GPR158: variants seen among roughly 807,000 people sequenced by gnomAD.
The protein encoded by GPR158 is metabotropic glycine receptor.
GPR158 carries 30 observed loss-of-function variants against 78.2 expected under a neutral mutation model. That is an observed-to-expected ratio of 0.38 (90% CI 0.29 to 0.52). GPR158 has a LOEUF of 0.52. GPR158 is among the 20% of genes least tolerant of loss of function. The probability of loss-of-function intolerance (pLI) is 0.83; values close to 1 mark genes in which losing one functional copy is unlikely to be tolerated. For synonymous variants in GPR158, 581 were observed against 591.1 expected, an observed-to-expected ratio of 0.98 and a Z score of 0.25; for missense variants, 1,463 against 1,523.5, an observed-to-expected ratio of 0.96 and a Z score of 0.66.
chr10:25,235,518 C>T (rs552285760), intron 2 of GPR158, among the ~76,000 whole-genome samples: 20 of 150,988 alleles, frequency 1.3e-4, no homozygotes, highest in African/African-American at 4.4e-4. Context: ...CAGTTTTCTT[C>T]CTCTTCAGTT....
intron 2 of GPR158, among the ~76,000 whole-genome samples, chr10:25,333,429 G>A (rs1017745096): frequency 6.6e-6 from 1 of 152,078 alleles, no homozygotes; most frequent in South Asian, 2.1e-4. Flanking sequence ...TTACTGTAGT[G>A]CAAGGTTGTA....
intron 7 of GPR158, among the ~76,000 whole-genome samples, chr10:25,573,112 T>TAATC (rs1471993280): frequency 1.3e-5 from 2 of 152,216 alleles, no homozygotes; most frequent in Admixed American, 1.3e-4. Flanking sequence ...TGATAAAATG[T>TAATC]AATCAAATAA....
intron 2 of GPR158, among the ~76,000 whole-genome samples, chr10:25,322,457 G>T (rs1854965880): frequency 6.6e-6 from 1 of 152,044 alleles, no homozygotes; most frequent in Non-Finnish European, 1.5e-5. Flanking sequence ...TATATCCAAA[G>T]ATTCCTCTTT....
intron 2 of GPR158, among the ~76,000 whole-genome samples, chr10:25,278,732 AAATT>A (rs1279117357): frequency 2.6e-5 from 4 of 151,498 alleles, no homozygotes; most frequent in Non-Finnish European, 2.9e-5. Context: ...AAAATAATTA[AAATT>A]AATTAAATAA....
At chr10:25,233,166 A>T (rs1374917633) in intron 2 of GPR158, among the ~76,000 whole-genome samples, 1 of 152,204 alleles carries the variant, frequency 6.6e-6, no homozygotes, top group African/African-American at 2.4e-5. Context: ...CTGTCTCCAG[A>T]AAGGAATATC....
intron 1 of GPR158, among the ~76,000 whole-genome samples, chr10:25,192,832 A>G (rs1852792376): frequency 6.6e-6 from 1 of 152,176 alleles, no homozygotes; most frequent in Admixed American, 6.5e-5. Context: ...AGTGATACAC[A>G]TTCAGTAAAA....
intron 2 of GPR158, among the ~76,000 whole-genome samples, chr10:25,306,440 T>C (rs79880959): frequency 0.013 from 1,916 of 152,284 alleles, 47 homozygotes; most frequent in African/African-American, 0.043. Flanking sequence ...ATGAGACCTC[T>C]CATCATGGTA....
At chr10:25,374,523 A>C (rs1050801957) in intron 2 of GPR158, among the ~76,000 whole-genome samples, 1 of 151,766 alleles carries the variant, frequency 6.6e-6, no homozygotes, top group Non-Finnish European at 1.5e-5. Context: ...ACAGAACTTC[A>C]TTATGAAGCT....
chr10:25,516,666 A>C (rs1836178598), intron 5 of GPR158, among the ~76,000 whole-genome samples: 1 of 114,756 alleles, frequency 8.7e-6, no homozygotes, highest in Non-Finnish European at 1.7e-5. Context: ...GGTTTGTCAA[A>C]GATCAGATAG....
intron 7 of GPR158, 73 bp from the exon 8 acceptor site, chr10:25,588,934 C>A (rs112178759): frequency 1.9e-6 from 1 of 515,750 alleles, no homozygotes; most frequent in South Asian, 4.4e-5. Context: ...GAATAATAAA[C>A]AAAATGCATG....
At chr10:25,220,460 C>T (rs912165473) in intron 1 of GPR158, among the ~76,000 whole-genome samples, 1 of 152,116 alleles carries the variant, frequency 6.6e-6, no homozygotes, top group Non-Finnish European at 1.5e-5. Context: ...GCAGTCTCTT[C>T]GTTTCCAGAT....
At chr10:25,459,245 TA>T (rs142353957) in intron 4 of GPR158, among the ~76,000 whole-genome samples, 1,999 of 152,222 alleles carry the variant, frequency 0.013, 42 homozygotes, top group African/African-American at 0.046. Flanking sequence ...TAATTAAAAA[TA>T]AAAAAGTACA....
chr10:25,312,434 T>C (rs1854779186), intron 2 of GPR158, among the ~76,000 whole-genome samples: 2 of 152,138 alleles, frequency 1.3e-5, no homozygotes, highest in African/African-American at 4.8e-5. Flanking sequence ...TTTCTTAAAC[T>C]TGAATTTTGT....
chr10:25,481,886 G>T (rs1353021058), intron 5 of GPR158, among the ~76,000 whole-genome samples: 1 of 152,168 alleles, frequency 6.6e-6, no homozygotes, highest in Non-Finnish European at 1.5e-5. Context: ...GAATGAGGCA[G>T]GTTTTTAGGG....
At chr10:25,385,573 G>A (rs971502896) in intron 2 of GPR158, among the ~76,000 whole-genome samples, 1 of 152,042 alleles carries the variant, frequency 6.6e-6, no homozygotes, top group African/African-American at 2.4e-5. Flanking sequence ...ACCATTTCAT[G>A]TTTTCACCAA....
chr10:25,572,103 A>G (rs890412099), intron 6 of GPR158, among the ~76,000 whole-genome samples: 3 of 152,138 alleles, frequency 2.0e-5, no homozygotes, highest in African/African-American at 7.2e-5. Context: ...TTTCAGGACT[A>G]TTTTTTGATC....
chr10:25,454,524 G>C (rs1835265865), intron 4 of GPR158, among the ~76,000 whole-genome samples: 1 of 151,034 alleles, frequency 6.6e-6, no homozygotes, highest in African/African-American at 2.4e-5. Flanking sequence ...GGACAGAAAA[G>C]GTGACACGAA....
intron 1 of GPR158, among the ~76,000 whole-genome samples, chr10:25,202,318 T>C (rs79530244): frequency 6.1e-4 from 71 of 115,848 alleles, no homozygotes; most frequent in African/African-American, 1.9e-4. Flanking sequence ...TTGTTACACA[T>C]ATATATATAT....
chr10:25,463,030 G>A (rs1204716130), intron 4 of GPR158, among the ~76,000 whole-genome samples: 1 of 152,144 alleles, frequency 6.6e-6, no homozygotes, highest in Non-Finnish European at 1.5e-5. Flanking sequence ...AGAGTCGACT[G>A]GTACAGCAAA....
Sources: gnomAD v4.1 joint callset for allele counts (sites outside exome capture counted in the v4.1 genomes callset) on GRCh38, gnomAD v4.1.1 for gene constraint, MANE v1.5 for transcripts, NCBI Gene and HGNC (gene_info 2026-07-23, HGNC 2026-07-21) for gene names.